The following CCDC91 variants were observed in gnomAD, a reference collection of about 807,000 sequenced individuals.
CCDC91 encodes the protein coiled-coil domain containing 91.
In CCDC91, 48 loss-of-function variants were observed where a neutral mutation model predicts 63.2. The ratio of observed to expected loss-of-function variants is 0.76; its 90% CI spans 0.60 to 0.97. The LOEUF (loss-of-function observed/expected upper bound fraction) is 0.97, where lower values mean the gene tolerates loss of function less well. CCDC91 is among the 50% of genes least tolerant of loss of function. CCDC91 has a pLI of 0.00. For synonymous variants in CCDC91, 167 were observed against 165.8 expected (o/e 1.01, Z -0.06); for missense variants, 500 against 494.6 (o/e 1.01, Z -0.10).
At chr12:28,413,211 T>C (rs1947430013) in intron 8 of CCDC91, among the ~76,000 whole-genome samples, 2 of 152,174 alleles carry the variant, frequency 1.3e-5, no homozygotes, top group Non-Finnish European at 2.9e-5. Context: ...ATATGAAATA[T>C]ACATGTTAAT....
At chr12:28,228,517 A>G (rs555313233) in intron 1 of CCDC91, among the ~76,000 whole-genome samples, 6 of 152,050 alleles carry the variant, frequency 3.9e-5, no homozygotes, top group Non-Finnish European at 5.9e-5. Context: ...ATCGATGGTA[A>G]CCAGGCTTCT....
chr12:28,478,333 A>G lies in CCDC91; in HGVS notation c.1102-5719A>G, dbSNP rs1482480155. On this transcript the variant is annotated intron_variant, in intron 11 of 12. Coordinates refer to ENST00000536442, the MANE Select transcript of CCDC91 (RefSeq NM_018318.5). ...CATATCTACAACCATCTGATCTTTG[A>G]CAAACCTGACAAAGACAAGAAATGG... 1.3e-4 allele frequency among the ~76,000 whole-genome samples: 20 copies of G among 152,188 alleles called. 1 individual carries two copies. Among genetic ancestry groups the G allele is most frequent in the Admixed American group, 1.2e-3 (19 of 15,258 alleles).
chr12:28,255,977 A>T (rs1946416860), intron 1 of CCDC91: 1 of 152,180 alleles, frequency 6.6e-6, no homozygotes, highest in Non-Finnish European at 1.5e-5. Flanking sequence ...ATATAGTTTA[A>T]TATGTATAGC....
rs549735549 is a variant in CCDC91 at position 28,541,360 on chromosome 12, G to A, written c.1216-7703G>A. Among the ~76,000 whole-genome samples the A allele has an allele frequency of 4.6e-5, 7 of 152,154 alleles. No homozygotes were observed. In the South Asian group the frequency reaches 1.5e-3, roughly 32 times the overall value. ...GACTTGTGGACAGTCTCTCTTGCTT[G>A]TTTCTGTAGATTGAAACACAAAGTG... On this transcript the variant is annotated intron_variant, in intron 12 of 12. Coordinates refer to ENST00000536442, the MANE Select transcript of CCDC91 (RefSeq NM_018318.5).
intron 12 of CCDC91, among the ~76,000 whole-genome samples, chr12:28,513,193 T>C (rs922355123): frequency 1.3e-5 from 2 of 151,904 alleles, no homozygotes; most frequent in African/African-American, 4.8e-5. Context: ...TACATCATAA[T>C]AATAGCTAAT....
chr12:28,526,424 G>T (rs544376558), intron 12 of CCDC91, among the ~76,000 whole-genome samples: 3 of 152,122 alleles, frequency 2.0e-5, no homozygotes, highest in African/African-American at 7.2e-5. Flanking sequence ...GGAGGCTAAA[G>T]ATAGGGCCCC....
intron 1 of CCDC91, among the ~76,000 whole-genome samples, chr12:28,229,498 T>G (rs953172709): frequency 2.6e-5 from 4 of 152,166 alleles, no homozygotes; most frequent in African/African-American, 9.7e-5. Flanking sequence ...AAAGCTGAGA[T>G]ACGAATCAGA....
chr12:28,425,794 A>G (rs1014477520), intron 8 of CCDC91, among the ~76,000 whole-genome samples: 17 of 152,130 alleles, frequency 1.1e-4, no homozygotes, highest in African/African-American at 4.1e-4. Context: ...CATGTTAGAC[A>G]TGCAAATTCT....
At chr12:28,369,129 G>A (rs1265516741) in intron 7 of CCDC91, among the ~76,000 whole-genome samples, 2 of 152,104 alleles carry the variant, frequency 1.3e-5, no homozygotes, top group East Asian at 3.8e-4. Context: ...CCTCATTGCA[G>A]TATTAACCCA....
At chr12:28,508,154 G>C (rs1267352008) in intron 12 of CCDC91, among the ~76,000 whole-genome samples, 1 of 151,862 alleles carries the variant, frequency 6.6e-6, no homozygotes. Context: ...GCCATGTTTT[G>C]TACACTCAGA....
At chr12:28,336,219 T>G (rs1317649315) in intron 6 of CCDC91, among the ~76,000 whole-genome samples, 2 of 152,118 alleles carry the variant, frequency 1.3e-5, no homozygotes, top group African/African-American at 4.8e-5. Flanking sequence ...GTTGGAATAT[T>G]TTATGCTTGT....
intron 1 of CCDC91, among the ~76,000 whole-genome samples, chr12:28,222,088 G>A (rs1176881570): frequency 2.0e-5 from 3 of 152,018 alleles, no homozygotes; most frequent in Non-Finnish European, 2.9e-5. Context: ...ATTTCATCTT[G>A]TACATCCTTT....
chr12:28,368,333 T>C (rs57971912), intron 7 of CCDC91, among the ~76,000 whole-genome samples: 1 of 152,232 alleles, frequency 6.6e-6, no homozygotes, highest in Non-Finnish European at 1.5e-5. Flanking sequence ...GAATAACTTA[T>C]TTTTGGTGAC....
intron 10 of CCDC91, 148 bp from the exon 11 acceptor site, chr12:28,452,330 G>A: frequency 2.3e-6 from 1 of 429,054 alleles, no homozygotes; most frequent in Non-Finnish European, 4.2e-6. Flanking sequence ...TTATTTTGTA[G>A]CAGTTATTTA....
chr12:28,249,271 TCAG>T (rs2136069399), intron 1 of CCDC91, among the ~76,000 whole-genome samples: 1 of 152,270 alleles, frequency 6.6e-6, no homozygotes, highest in East Asian at 1.9e-4. Flanking sequence ...CTGATAGTTG[TCAG>T]CAGAAGACAG....
At chr12:28,521,180 G>C (rs180721106) in intron 12 of CCDC91, among the ~76,000 whole-genome samples, 1 of 152,094 alleles carries the variant, frequency 6.6e-6, no homozygotes, top group South Asian at 2.1e-4. Context: ...CCATTTTCAC[G>C]ATATTGATTA....
intron 6 of CCDC91, among the ~76,000 whole-genome samples, chr12:28,318,377 C>A (rs1940127665): frequency 1.3e-5 from 2 of 150,904 alleles, no homozygotes; most frequent in Non-Finnish European, 3.0e-5. Context: ...AAAAAAGAAA[C>A]CAAAAAACGA....
intron 6 of CCDC91, among the ~76,000 whole-genome samples, chr12:28,316,466 T>C (rs1457137238): frequency 6.6e-6 from 1 of 151,310 alleles, no homozygotes; most frequent in African/African-American, 2.4e-5. Context: ...TTTATCATTT[T>C]CCAAGTATCT....
intron 12 of CCDC91, among the ~76,000 whole-genome samples, chr12:28,526,157 G>T (rs1206495588): frequency 1.1e-4 from 16 of 142,238 alleles, no homozygotes; most frequent in African/African-American, 2.3e-4. Context: ...GTATACCTTG[G>T]TTTTTTTTTT....
Sources: gnomAD v4.1 joint callset for allele counts (sites outside exome capture counted in the v4.1 genomes callset) on GRCh38, gnomAD v4.1.1 for gene constraint, MANE v1.5 for transcripts, NCBI Gene and HGNC (gene_info 2026-07-23, HGNC 2026-07-21) for gene names.